SPRR2G: variants seen among roughly 807,000 people sequenced by gnomAD.
The protein encoded by SPRR2G is small proline-rich protein 2G.
A neutral mutation model predicts 0.7 loss-of-function variants in SPRR2G; 1 was observed. The ratio of observed to expected loss-of-function variants is 1.49; its 90% CI spans 0.53 to 7.06. SPRR2G has a LOEUF of 7.06. Among genes scored for constraint, SPRR2G ranks in the 30% most tolerant of loss-of-function variants. The pLI, the probability that SPRR2G is intolerant of heterozygous loss-of-function variation, is 0.14. For missense variants in SPRR2G, 96 were observed against 88.5 expected (o/e 1.09, Z -0.34); for synonymous variants, 38 against 33.9 (o/e 1.12, Z -0.42).
At chr1:153,193,493 T>A in the SPRR2G span, among the ~76,000 whole-genome samples, 1 of 152,128 alleles carries the variant, frequency 6.6e-6, no homozygotes, top group Non-Finnish European at 1.5e-5. Context: ...CAGGCATGCA[T>A]ATGCACACAC....
the SPRR2G span, among the ~76,000 whole-genome samples, chr1:153,179,401 A>G: frequency 6.6e-6 from 1 of 152,100 alleles, no homozygotes; most frequent in East Asian, 1.9e-4. Flanking sequence ...TTTTATTTTC[A>G]AGGAATTTGT....
At chr1:153,179,495 T>C in the SPRR2G span, among the ~76,000 whole-genome samples, 1 of 152,162 alleles carries the variant, frequency 6.6e-6, no homozygotes, top group South Asian at 2.1e-4. Context: ...ACGCCTATCA[T>C]TTGTGAAATG....
chr1:153,181,762 T>C, the SPRR2G span, among the ~76,000 whole-genome samples: 1 of 151,914 alleles, frequency 6.6e-6, no homozygotes, highest in East Asian at 1.9e-4. Context: ...TCCTTATTTT[T>C]ATGGCTGAGT....
the SPRR2G span, among the ~76,000 whole-genome samples, chr1:153,198,004 T>C: frequency 1.3e-5 from 2 of 151,476 alleles, no homozygotes; most frequent in South Asian, 2.1e-4. Flanking sequence ...TGTGAGAGAG[T>C]AGATCAGGAA....
the SPRR2G span, among the ~76,000 whole-genome samples, chr1:153,193,058 A>G: frequency 1.3e-5 from 2 of 152,006 alleles, no homozygotes; most frequent in Admixed American, 6.6e-5. Context: ...TCCGCTGACC[A>G]GCCCAGGAAG....
upstream of SPRR2G, chr1:153,150,943 G>A (rs1018772471): frequency 5.9e-5 from 9 of 152,270 alleles, no homozygotes; most frequent in African/African-American, 1.9e-4. Flanking sequence ...CCCTACACAG[G>A]GAACAGCCCA....
chr1:153,196,590 GC>G, the SPRR2G span, among the ~76,000 whole-genome samples: 9 of 152,144 alleles, frequency 5.9e-5, no homozygotes, highest in African/African-American at 2.2e-4. Flanking sequence ...ACACAGTGCT[GC>G]CTCCCACTTT....
At chr1:153,179,940 T>A in the SPRR2G span, among the ~76,000 whole-genome samples, 3 of 152,174 alleles carry the variant, frequency 2.0e-5, no homozygotes, top group Non-Finnish European at 2.9e-5. Context: ...CCATTGTATC[T>A]AGAGAAAAGT....
the SPRR2G span, among the ~76,000 whole-genome samples, chr1:153,195,793 G>A: frequency 6.6e-6 from 1 of 152,060 alleles, no homozygotes; most frequent in Admixed American, 6.5e-5. Flanking sequence ...CTAGAGGCAT[G>A]GGGACTCTAT....
At chr1:153,169,922 C>A in the SPRR2G span, among the ~76,000 whole-genome samples, 2 of 152,330 alleles carry the variant, frequency 1.3e-5, no homozygotes, top group African/African-American at 2.4e-5. Flanking sequence ...GGCTGCCTTG[C>A]AGACTGAACC....
At chr1:153,184,295 TA>T in the SPRR2G span, among the ~76,000 whole-genome samples, 1 of 152,240 alleles carries the variant, frequency 6.6e-6, no homozygotes, top group African/African-American at 2.4e-5. Flanking sequence ...ATTGAATCTC[TA>T]AATTACTTTA....
At chr1:153,185,309 A>C in the SPRR2G span, among the ~76,000 whole-genome samples, 1 of 150,160 alleles carries the variant, frequency 6.7e-6, no homozygotes, top group Non-Finnish European at 1.5e-5. Flanking sequence ...CCTCTGGTAG[A>C]ATTTGGCTGT....
chr1:153,159,438 C>T, the SPRR2G span, among the ~76,000 whole-genome samples: 22 of 152,310 alleles, frequency 1.4e-4, no homozygotes, highest in South Asian at 3.1e-3. Flanking sequence ...TGGTTAAAAC[C>T]GTTCAGCAAG....
chr1:153,159,691 T>C, the SPRR2G span, among the ~76,000 whole-genome samples: 2 of 152,192 alleles, frequency 1.3e-5, no homozygotes, highest in Non-Finnish European at 2.9e-5. Context: ...TTTGCATGGC[T>C]AGGGAGGCCT....
chr1:153,179,983 T>C, the SPRR2G span, among the ~76,000 whole-genome samples: 1 of 152,200 alleles, frequency 6.6e-6, no homozygotes, highest in Non-Finnish European at 1.5e-5. Flanking sequence ...AAGCACTTCA[T>C]GCTGTGGCAC....
chr1:153,170,835 G>A, the SPRR2G span, among the ~76,000 whole-genome samples: 134 of 152,228 alleles, frequency 8.8e-4, no homozygotes, highest in African/African-American at 2.5e-3. Flanking sequence ...TCTGCATATG[G>A]TGATTCAGGC....
the SPRR2G span, among the ~76,000 whole-genome samples, chr1:153,171,327 T>C: frequency 6.6e-6 from 1 of 152,144 alleles, no homozygotes. Flanking sequence ...TAAATAACAA[T>C]TACAGCTACT....
At chr1:153,183,881 T>G in the SPRR2G span, among the ~76,000 whole-genome samples, 2 of 152,244 alleles carry the variant, frequency 1.3e-5, no homozygotes, top group Non-Finnish European at 2.9e-5. Flanking sequence ...TAATCCATCT[T>G]GAGTTAATTT....
chr1:153,160,559 T>C, the SPRR2G span, among the ~76,000 whole-genome samples: 2 of 152,228 alleles, frequency 1.3e-5, no homozygotes, highest in African/African-American at 4.8e-5. Flanking sequence ...TCAACACTTG[T>C]TATCCTTTGT....
Sources: gnomAD v4.1 joint callset for allele counts (sites outside exome capture counted in the v4.1 genomes callset) on GRCh38, gnomAD v4.1.1 for gene constraint, MANE v1.5 for transcripts, NCBI Gene and HGNC (gene_info 2026-07-23, HGNC 2026-07-21) for gene names.